Variants in CNTN5 observed in about 807,000 individuals in gnomAD.
The protein encoded by CNTN5 is contactin-5.
In CNTN5, 77 loss-of-function variants were observed where a neutral mutation model predicts 129.1. The ratio of observed to expected loss-of-function variants is 0.60; its 90% CI spans 0.50 to 0.72. The LOEUF (loss-of-function observed/expected upper bound fraction) is 0.72. Among genes scored for constraint, CNTN5 ranks in the 30% least tolerant of loss-of-function variants. The pLI is 0.00. For missense variants in CNTN5, 1,478 were observed against 1,328.8 expected (o/e 1.11, Z -1.75); for synonymous variants, 509 against 465.6 (o/e 1.09, Z -1.20).
intron 13 of CNTN5, chr11:100,074,525 A>C: frequency 2.4e-6 from 1 of 409,758 alleles, no homozygotes; most frequent in Non-Finnish European, 4.3e-6. Context: ...ATATTTCACT[A>C]GGTTTTGAAG....
At chr11:99,888,373 T>G (rs1045985049) in intron 6 of CNTN5, among the ~76,000 whole-genome samples, 9 of 152,218 alleles carry the variant, frequency 5.9e-5, no homozygotes, top group Non-Finnish European at 1.3e-4. Flanking sequence ...TCTTTGCAAT[T>G]AATACTACTT....
intron 13 of CNTN5, among the ~76,000 whole-genome samples, chr11:100,187,033 A>T (rs1230171724): frequency 1.3e-5 from 2 of 151,852 alleles, no homozygotes; most frequent in Non-Finnish European, 2.9e-5. Flanking sequence ...ACATTGTGGA[A>T]TTTTTTTTCC....
chr11:99,768,875 A>T (rs1944847820), intron 3 of CNTN5, among the ~76,000 whole-genome samples: 1 of 152,002 alleles, frequency 6.6e-6, no homozygotes, highest in Non-Finnish European at 1.5e-5. Flanking sequence ...ATATTATGCT[A>T]CTCCACAGTT....
chr11:100,228,037 A>T (rs1939704), intron 16 of CNTN5, among the ~76,000 whole-genome samples: 23,449 of 152,202 alleles, frequency 0.15, 2,499 homozygotes, highest in South Asian at 0.42. Context: ...AGTAATTATA[A>T]GGGTAGGAAA....
At position 99,809,834 on chromosome 11, in the gene CNTN5, A is replaced by G. The variant is rs185206344; in HGVS notation, c.56-9710A>G. 1.3e-3 allele frequency among the ~76,000 whole-genome samples: 193 copies of G among 152,256 alleles called. 2 individuals are homozygous for G. The highest frequency in any genetic ancestry group is 3.2e-4 in the Non-Finnish European group (22 of 67,988). Reference sequence around the variant, plus strand: ...TAAAATACTGTCTGATCTATCTTAAACACACAGAGAATAGGAAAGTAAAAG... The same window carrying G: ...TAAAATACTGTCTGATCTATCTTAAGCACACAGAGAATAGGAAAGTAAAAG... On this transcript the variant is annotated intron_variant, in intron 3 of 24. Transcript: ENST00000524871.
intron 2 of CNTN5, among the ~76,000 whole-genome samples, chr11:99,332,378 A>G (rs1381348355): frequency 3.3e-5 from 5 of 151,976 alleles, no homozygotes; most frequent in Non-Finnish European, 7.4e-5. Context: ...TTCTGCTTTT[A>G]TTTTCTATAC....
intron 7 of CNTN5, among the ~76,000 whole-genome samples, chr11:99,926,209 C>A (rs763339635): frequency 7.9e-5 from 12 of 152,134 alleles, no homozygotes; most frequent in Non-Finnish European, 1.5e-4. Flanking sequence ...AAATCATTAT[C>A]TGCTAACATT....
chr11:99,906,099 C>A, intron 6 of CNTN5, among the ~76,000 whole-genome samples: 1 of 152,074 alleles, frequency 6.6e-6, no homozygotes, highest in East Asian at 1.9e-4. Context: ...AATTTGACTT[C>A]CTCTCTGCCT....
At chr11:100,335,002 TGATAA>T (rs1395080125) in intron 21 of CNTN5, among the ~76,000 whole-genome samples, 1 of 148,274 alleles carries the variant, frequency 6.7e-6, no homozygotes, top group Admixed American at 6.7e-5. Flanking sequence ...AAAAAAAGGT[TGATAA>T]GATGATGTGT....
intron 1 of CNTN5, among the ~76,000 whole-genome samples, chr11:99,297,518 A>G (rs1041194617): frequency 2.6e-5 from 4 of 152,206 alleles, no homozygotes; most frequent in Middle Eastern, 3.2e-3. Flanking sequence ...ACTTTTACCA[A>G]GAGCCCTCAT....
At chr11:100,211,615 G>A (rs1949034941) in intron 15 of CNTN5, among the ~76,000 whole-genome samples, 1 of 152,114 alleles carries the variant, frequency 6.6e-6, no homozygotes. Context: ...CACAACTTAA[G>A]AAGAGCTGCT....
intron 7 of CNTN5, among the ~76,000 whole-genome samples, chr11:99,953,453 G>A (rs950810747): frequency 2.0e-5 from 3 of 152,148 alleles, no homozygotes; most frequent in Non-Finnish European, 2.9e-5. Flanking sequence ...ATAAAGCAGC[G>A]AAAATTCCAA....
At chr11:99,967,755 C>G (rs965802312) in intron 8 of CNTN5, among the ~76,000 whole-genome samples, 3 of 152,146 alleles carry the variant, frequency 2.0e-5, no homozygotes, top group African/African-American at 7.2e-5. Flanking sequence ...CTGTGCCTCT[C>G]CCTGTAACAG....
intron 7 of CNTN5, among the ~76,000 whole-genome samples, chr11:99,955,879 A>C (rs1035431669): frequency 2.0e-5 from 3 of 152,144 alleles, no homozygotes; most frequent in African/African-American, 7.2e-5. Flanking sequence ...CATTTATTTT[A>C]ATAATAAATA....
chr11:99,475,975 T>G (rs1945355267), intron 2 of CNTN5, among the ~76,000 whole-genome samples: 1 of 152,096 alleles, frequency 6.6e-6, no homozygotes, highest in South Asian at 2.1e-4. Context: ...TCATCTGATC[T>G]TTGCTTAATG....
At chr11:99,382,389 G>A (rs890855716) in intron 2 of CNTN5, among the ~76,000 whole-genome samples, 9 of 152,204 alleles carry the variant, frequency 5.9e-5, no homozygotes, top group Middle Eastern at 6.8e-3. Context: ...AGATGCAGAC[G>A]CAGAGAGAAA....
At chr11:99,925,449 T>C (rs1230893917) in intron 7 of CNTN5, among the ~76,000 whole-genome samples, 1 of 152,314 alleles carries the variant, frequency 6.6e-6, no homozygotes, top group African/African-American at 2.4e-5. Context: ...TTAACACTCC[T>C]TCATTGTAAA....
intron 3 of CNTN5, among the ~76,000 whole-genome samples, chr11:99,705,240 T>C (rs1954704756): frequency 6.6e-6 from 1 of 151,372 alleles, no homozygotes; most frequent in African/African-American, 2.4e-5. Flanking sequence ...TTATAAGTCC[T>C]TCTGATTTAC....
intron 7 of CNTN5, among the ~76,000 whole-genome samples, chr11:99,936,873 C>T (rs567487660): frequency 3.9e-5 from 6 of 152,166 alleles, no homozygotes; most frequent in African/African-American, 1.4e-4. Flanking sequence ...TAAGGTTCCT[C>T]TTAAATATTA....
Sources: gnomAD v4.1 joint callset for allele counts (sites outside exome capture counted in the v4.1 genomes callset) on GRCh38, gnomAD v4.1.1 for gene constraint, MANE v1.5 for transcripts, NCBI Gene and HGNC (gene_info 2026-07-23, HGNC 2026-07-21) for gene names.